Variants in NAV3 observed in about 807,000 individuals in gnomAD.
NAV3 encodes neuron navigator 3, also known as pore membrane and/or filament interacting like protein 1.
NAV3 carries 87 observed loss-of-function variants against 244.7 expected under a neutral mutation model. The observed-to-expected ratio is 0.36, with a 90% CI of 0.30 to 0.42. The LOEUF is 0.42. Among genes scored for constraint, NAV3 ranks in the 20% least tolerant of loss-of-function variants. The pLI is 1.00. For synonymous variants in NAV3, 1,126 were observed against 1,042.2 expected (o/e 1.08, Z -1.55); for missense variants, 2,663 against 2,893.3 (o/e 0.92, Z 1.83).
At chr12:78,177,374 CTTAT>C (rs1204823789) in intron 27 of NAV3, 61 bp downstream of exon 27, 3 of 1,542,074 alleles carry the variant, frequency 1.9e-6, no homozygotes, top group Non-Finnish European at 2.6e-6. Flanking sequence ...AGATGAAGGC[CTTAT>C]TTATGTTCTA....
intron 2 of NAV3, among the ~76,000 whole-genome samples, chr12:77,816,671 C>A (rs1420684716): frequency 6.6e-6 from 1 of 152,146 alleles, no homozygotes; most frequent in Middle Eastern, 3.2e-3. Flanking sequence ...CTTATGGATT[C>A]AATGTGTTGT....
At chr12:77,777,278 T>C (rs1433331227) in intron 2 of NAV3, among the ~76,000 whole-genome samples, 3 of 152,170 alleles carry the variant, frequency 2.0e-5, no homozygotes, top group Admixed American at 6.5e-5. Context: ...GAAATATATA[T>C]ACAATATAAT....
intron 1 of NAV3, among the ~76,000 whole-genome samples, chr12:77,923,966 G>T (rs764072437): frequency 6.6e-6 from 1 of 152,178 alleles, no homozygotes; most frequent in Non-Finnish European, 1.5e-5. Context: ...TATAGGAGTT[G>T]TAATTGAATT....
intron 2 of NAV3, among the ~76,000 whole-genome samples, chr12:77,671,842 G>A (rs1873989890): frequency 1.3e-5 from 2 of 152,072 alleles, no homozygotes; most frequent in African/African-American, 4.8e-5. Flanking sequence ...CTAGATACTG[G>A]CTTAGGCAAA....
intron 2 of NAV3, among the ~76,000 whole-genome samples, chr12:77,581,451 G>A (rs1441426951): frequency 1.3e-5 from 2 of 152,014 alleles, no homozygotes; most frequent in African/African-American, 4.8e-5. Context: ...TAGTGTAGTT[G>A]GTTAAAAATC....
At chr12:77,867,472 T>G (rs534334345) in intron 1 of NAV3, among the ~76,000 whole-genome samples, 108 of 152,260 alleles carry the variant, frequency 7.1e-4, no homozygotes, top group African/African-American at 2.5e-3. Context: ...CAGGCTGGAG[T>G]GCAGTGGCGC....
At chr12:77,877,636 A>G (rs1882030805) in intron 1 of NAV3, among the ~76,000 whole-genome samples, 1 of 152,178 alleles carries the variant, frequency 6.6e-6, no homozygotes, top group African/African-American at 2.4e-5. Flanking sequence ...AATGGGGATA[A>G]TAGACCAATC....
At chr12:78,150,514 T>G (rs1488049301) in intron 22 of NAV3, among the ~76,000 whole-genome samples, 2 of 144,160 alleles carry the variant, frequency 1.4e-5, no homozygotes, top group East Asian at 2.1e-4. Flanking sequence ...TTTTGTTTTT[T>G]TTTCTCTGAG....
At chr12:77,702,701 C>A (rs1450679728) in intron 2 of NAV3, among the ~76,000 whole-genome samples, 2 of 151,926 alleles carry the variant, frequency 1.3e-5, no homozygotes, top group African/African-American at 2.4e-5. Context: ...TTTCTACTTA[C>A]CCCTGTTCTT....
chr12:77,874,409 A>C (rs1881543676), intron 1 of NAV3, among the ~76,000 whole-genome samples: 1 of 151,504 alleles, frequency 6.6e-6, no homozygotes, highest in African/African-American at 2.4e-5. Context: ...TTTTATAGAG[A>C]TGTGTTGCCC....
chr12:77,974,445 C>T (rs1485561747), intron 5 of NAV3, among the ~76,000 whole-genome samples: 1 of 150,506 alleles, frequency 6.6e-6, no homozygotes, highest in Middle Eastern at 3.4e-3. Context: ...CCACGGCCAG[C>T]TGTTTATTAT....
chr12:78,090,382 T>C (rs1953863118), intron 12 of NAV3, among the ~76,000 whole-genome samples: 1 of 151,880 alleles, frequency 6.6e-6, no homozygotes, highest in Non-Finnish European at 1.5e-5. Context: ...TGTTAAGCAG[T>C]TTATCCAAAT....
At chr12:78,108,688 A>T (rs945139739) in intron 12 of NAV3, among the ~76,000 whole-genome samples, 5 of 152,160 alleles carry the variant, frequency 3.3e-5, no homozygotes, top group African/African-American at 1.2e-4. Flanking sequence ...TGCAGATTAA[A>T]CAACATGTTC....
chr12:77,904,852 G>C (rs1731724), intron 1 of NAV3, among the ~76,000 whole-genome samples: 17,056 of 151,704 alleles, frequency 0.11, 1,084 homozygotes, highest in South Asian at 0.2. Context: ...TATGTCTACT[G>C]TAATTTTTCT....
chr12:77,872,739 T>C (rs540687326), intron 1 of NAV3, among the ~76,000 whole-genome samples: 2 of 152,338 alleles, frequency 1.3e-5, no homozygotes, highest in African/African-American at 4.8e-5. Context: ...ACTTTTACAT[T>C]TCGGAACTCT....
chr12:77,759,983 C>A (rs186407925), intron 2 of NAV3, among the ~76,000 whole-genome samples: 1 of 152,122 alleles, frequency 6.6e-6, no homozygotes, highest in African/African-American at 2.4e-5. Context: ...TATATTAATA[C>A]GTGTTTTCTT....
chr12:77,829,275 C>T (rs1873344049), upstream of NAV3, among the ~76,000 whole-genome samples: 1 of 152,294 alleles, frequency 6.6e-6, no homozygotes, highest in East Asian at 1.9e-4. Flanking sequence ...TAAAGTGTTG[C>T]CAGCATTTAT....
rs368911602 is a variant in NAV3, at chr12:77,905,141, G to A, written c.244-35178G>A. ...TTTGTCATACAAAAATGGTAACAATGTCTTCAGGGATCTGGGGCTTTTCTA... is the reference window on the plus strand; with the variant it reads ...TTTGTCATACAAAAATGGTAACAATATCTTCAGGGATCTGGGGCTTTTCTA... On this transcript the variant is annotated intron_variant, in intron 1 of 39. Transcript: ENST00000397909. Among the ~76,000 whole-genome samples the A allele has an allele frequency of 2.6e-5, 4 of 152,214 alleles. No individual in the cohort carries two copies. The East Asian group carries it at 7.7e-4, about 29-fold the overall frequency.
chr12:77,787,711 C>T (rs1414170518), intron 2 of NAV3, among the ~76,000 whole-genome samples: 1 of 152,192 alleles, frequency 6.6e-6, no homozygotes, highest in African/African-American at 2.4e-5. Flanking sequence ...TACAATTCAA[C>T]ATGAGATTTG....
Sources: gnomAD v4.1 joint callset for allele counts (sites outside exome capture counted in the v4.1 genomes callset) on GRCh38, gnomAD v4.1.1 for gene constraint, MANE v1.5 for transcripts, NCBI Gene and HGNC (gene_info 2026-07-23, HGNC 2026-07-21) for gene names.